Variants in ARHGEF1 observed in about 807,000 individuals in gnomAD.
ARHGEF1 encodes the protein 115 kDa guanine nucleotide exchange factor.
Under a neutral mutation model 119.7 loss-of-function variants are expected in ARHGEF1, and 40 were observed. The observed-to-expected ratio is 0.33, with a 90% CI of 0.26 to 0.44. The LOEUF is 0.44. Among genes scored for constraint, ARHGEF1 ranks in the 20% least tolerant of loss-of-function variants. ARHGEF1 has a pLI of 1.00. For synonymous variants in ARHGEF1, 494 were observed against 521.0 expected (o/e 0.95, Z 0.71); for missense variants, 976 against 1,268.3 (o/e 0.77, Z 3.50).
intron 13 of ARHGEF1, chr19:41,898,041 G>A: frequency 7.5e-7 from 1 of 1,337,342 alleles, no homozygotes; most frequent in Non-Finnish European, 9.5e-7. Flanking sequence ...CGGGGTGGGG[G>A]CCGCTCCCGG....
At chr19:41,894,590 T>C in intron 10 of ARHGEF1, 36 bp from the exon 11 acceptor site, 1 of 1,614,022 alleles carries the variant, frequency 6.2e-7, no homozygotes. Flanking sequence ...CTTCCCCAGC[T>C]GCTCCCACTC....
At chr19:41,914,975 TC>T (rs1343334298) in intron 18 of ARHGEF1, among the ~76,000 whole-genome samples, 1 of 30,470 alleles carries the variant, frequency 3.3e-5, no homozygotes, top group South Asian at 1.5e-3. Context: ...TCTCCCTCCC[TC>T]CCCCTCCAGC....
chr19:41,923,448 TG>T (rs781989446), intron 1 of ARHGEF1, among the ~76,000 whole-genome samples: 47 of 149,536 alleles, frequency 3.1e-4, no homozygotes, highest in Admixed American at 1.0e-3. Flanking sequence ...AAAGAGAGAC[TG>T]GGAGACAGAC....
downstream of ARHGEF1, chr19:41,907,583 T>C (rs1213152031): frequency 1.1e-5 from 7 of 631,702 alleles, no homozygotes; most frequent in Non-Finnish European, 1.6e-5. Context: ...TTCATTCATT[T>C]CTTTGTTTGA....
At chr19:41,922,590 C>A (rs547478726), upstream of ARHGEF1, among the ~76,000 whole-genome samples, 20 of 151,600 alleles carry the variant, frequency 1.3e-4, no homozygotes, top group South Asian at 3.6e-3. Flanking sequence ...AACTGGGAAC[C>A]GGAGAGAGAC....
downstream of ARHGEF1, chr19:41,908,983 C>G: frequency 1.1e-6 from 1 of 947,030 alleles, no homozygotes; most frequent in Non-Finnish European, 1.4e-6. This position sits in a 1 kb window ranked among gnomAD's most constrained non-coding sequence, Gnocchi z 6.7. Flanking sequence ...CTTCTCTTGT[C>G]TTTTCTCATC....
intron 1 of ARHGEF1, among the ~76,000 whole-genome samples, chr19:41,887,259 A>G (rs1170946128): frequency 2.0e-5 from 3 of 151,904 alleles, no homozygotes; most frequent in African/African-American, 7.3e-5. Flanking sequence ...GGAAAGAGAA[A>G]AATCAGGAAA....
chr19:41,928,360 G>C (rs1488150190), intron 1 of ARHGEF1: 1 of 152,614 alleles, frequency 6.6e-6, no homozygotes, highest in Non-Finnish European at 1.5e-5. Context: ...GAGAGCTGAG[G>C]ACGGAGCTCC....
intron 28 of ARHGEF1, 32 bp from the exon 29 acceptor site, chr19:41,907,073 C>G (rs1568827152): frequency 1.4e-6 from 2 of 1,468,320 alleles, no homozygotes; most frequent in Non-Finnish European, 1.8e-6. Flanking sequence ...CTCCATCTCT[C>G]CCCGTCTCCC....
chr19:41,884,633 C>G, intron 1 of ARHGEF1: 1 of 1,183,730 alleles, frequency 8.4e-7, no homozygotes, highest in East Asian at 2.6e-5. Flanking sequence ...AGATTTGGGT[C>G]TCGTGTAGAC....
chr19:41,892,272 C>T lies in ARHGEF1; in HGVS notation c.325-59C>T. On this transcript the variant is annotated intron_variant, in intron 5 of 28. Transcript: ENST00000354532. This position sits in a 1 kb window ranked among gnomAD's most constrained non-coding sequence, Gnocchi z 6.3. The stretch of plus-strand genomic sequence containing the variant: ...TAGACCAGGGTTCCTGGCAGTCCTC[C>T]CGGCCTGCATCTCAGCACACCAAGT... 1 of 1,604,112 alleles carries T rather than the reference C, an allele frequency of 6.2e-7. No homozygotes were observed. Among genetic ancestry groups the T allele is most frequent in the Non-Finnish European group, 8.5e-7 (1 of 1,172,854 alleles).
At chr19:41,907,701 G>A (rs1410802407), downstream of ARHGEF1, 3 of 320,226 alleles carry the variant, frequency 9.4e-6, no homozygotes, top group African/African-American at 2.2e-5. Context: ...TGGGCACCCC[G>A]AGTCTCACTC....
At chr19:41,918,847 C>G (rs541400774), upstream of ARHGEF1, among the ~76,000 whole-genome samples, 1 of 150,640 alleles carries the variant, frequency 6.6e-6, no homozygotes, top group African/African-American at 2.4e-5. Context: ...TGCTACACTA[C>G]CCATCAGACA....
At position 41,904,174 on chromosome 19, in the gene ARHGEF1, G is replaced by A. The variant is rs782078744; in HGVS notation, c.1994-42G>A. On this transcript the variant is annotated intron_variant, in intron 21 of 28. Coordinates refer to ENST00000354532, the MANE Select transcript of ARHGEF1 (RefSeq NM_004706.4). This position sits in a 1 kb window ranked among gnomAD's most constrained non-coding sequence, Gnocchi z 8.4. ...GCAGTGAGCCAAGGGCGGGGAGGGG[G>A]TCGCGCGGGGGCACGCCGTGTGAGC... 1.9e-6 allele frequency: 3 copies of A among 1,612,682 alleles called. No homozygotes were observed. The highest frequency in any genetic ancestry group is 2.5e-6 in the Non-Finnish European group (3 of 1,178,910).
downstream of ARHGEF1, among the ~76,000 whole-genome samples, chr19:41,912,027 C>T (rs561196607): frequency 3.6e-4 from 55 of 152,178 alleles, no homozygotes; most frequent in African/African-American, 1.3e-3. Flanking sequence ...CCACACAACC[C>T]GAGACAGACC....
intron 18 of ARHGEF1, among the ~76,000 whole-genome samples, chr19:41,915,363 C>A (rs920509396): frequency 4.6e-5 from 7 of 151,392 alleles, no homozygotes; most frequent in African/African-American, 1.7e-4. Context: ...GACCTGGACC[C>A]CTCGCCCTTG....
At chr19:41,915,235 A>C (rs2074793439) in intron 18 of ARHGEF1, among the ~76,000 whole-genome samples, 1 of 146,322 alleles carries the variant, frequency 6.8e-6, no homozygotes, top group Non-Finnish European at 1.5e-5. Flanking sequence ...TATAACGAGG[A>C]GCCGTGGGAT....
Position 41,898,428 on chromosome 19 carries a change from G to T in ARHGEF1, c.1122-14G>T, listed in dbSNP as rs2074547685. ...TGGCCCAAGCTGGGGCCCTAACAAG[G>T]CCTCTGTCCACAGCCCCGAGCCTGG... On this transcript the variant is annotated splice_polypyrimidine_tract_variant and intron_variant, in intron 13 of 28. Transcript: ENST00000354532. 1 of 1,548,104 alleles carries T rather than the reference G, an allele frequency of 6.5e-7. No individual in the cohort carries two copies. Among genetic ancestry groups the T allele is most frequent in the Non-Finnish European group, 8.7e-7 (1 of 1,145,830 alleles).
At chr19:41,908,126 G>A (rs2074728689), downstream of ARHGEF1, 3 of 930,930 alleles carry the variant, frequency 3.2e-6, no homozygotes, top group East Asian at 6.6e-5. This position sits in a 1 kb window ranked among gnomAD's most constrained non-coding sequence, Gnocchi z 6.7. Context: ...CCCAGACCTG[G>A]GAGGTGCTGA....
Sources: allele counts gnomAD v4.1 joint callset (sites outside exome capture counted in the v4.1 genomes callset), GRCh38; gene constraint gnomAD v4.1.1; non-coding constraint Gnocchi (gnomAD v3.1); transcripts MANE v1.5; gene names NCBI Gene and HGNC (gene_info 2026-07-23, HGNC 2026-07-21).